Variants in APPL1 observed in about 807,000 individuals in gnomAD.
The protein encoded by APPL1 is adaptor protein, phosphotyrosine interacting with PH domain and leucine zipper 1, also known as DCC-interacting protein 13-alpha.
In APPL1, 42 loss-of-function variants were observed where a neutral mutation model predicts 106.8. The ratio of observed to expected loss-of-function variants is 0.39; its 90% confidence interval spans 0.31 to 0.51. The LOEUF (loss-of-function observed/expected upper bound fraction) is 0.51. APPL1 is among the 20% of genes least tolerant of loss of function. The pLI is 0.75. For missense variants in APPL1, 769 were observed against 858.2 expected (o/e 0.90, Z 1.30); for synonymous variants, 263 against 281.8 (o/e 0.93, Z 0.67).
chr3:57,255,259 G>A lies in APPL1; in HGVS notation c.1152+1521G>A, dbSNP rs545887483. Among the ~76,000 whole-genome samples the A allele has an allele frequency of 3.9e-5, 6 of 152,288 alleles. 1 individual carries two copies. The highest frequency in any genetic ancestry group is 6.8e-3 in the Middle Eastern group (2 of 294). On this transcript the variant is annotated intron_variant, in intron 13 of 21. Coordinates refer to ENST00000288266, the MANE Select transcript of APPL1 (RefSeq NM_012096.3). The stretch of plus-strand genomic sequence containing the variant: ...TGCCACTCTTAGTGGGCCTGTCTGT[G>A]CTATGGGAGTCCAGGCAACTCCTGG...
At position 57,259,932 on chromosome 3, in the gene APPL1, C is replaced by G. The variant is rs1244537519; in HGVS notation, c.1571C>G (p.Thr524Ser). ...SDDHPDVVYE[T>S]MRQILAARAI... Reference sequence around the variant, plus strand: ...GACCATCCAGATGTTGTTTATGAAACTATGCGCCAAATCTTAGCTGCCCGG... The same window carrying G: ...GACCATCCAGATGTTGTTTATGAAAGTATGCGCCAAATCTTAGCTGCCCGG... Residue 524 changes from threonine to serine, a missense_variant, in exon 17 of 22, where the codon ACT (threonine) becomes AGT (serine). Physicochemically the swap from Thr to Ser is moderately conservative, Grantham distance 58. Transcript: ENST00000288266. 1 of 1,613,776 alleles carries G rather than the reference C, an allele frequency of 6.2e-7. No homozygotes were observed. The highest frequency in any genetic ancestry group is 8.5e-7 in the Non-Finnish European group (1 of 1,179,966).
intron 19 of APPL1, among the ~76,000 whole-genome samples, chr3:57,262,229 T>C (rs75347555): frequency 0.022 from 3,394 of 152,156 alleles, 129 homozygotes; most frequent in African/African-American, 0.077. Flanking sequence ...TGTTATTTCT[T>C]TGGCTATGCA....
intron 6 of APPL1, 119 bp downstream of exon 6, chr3:57,242,261 T>TC: frequency 2.8e-6 from 2 of 726,696 alleles, no homozygotes; most frequent in African/African-American, 1.8e-5. Flanking sequence ...AAGTGAACAT[T>TC]ACTTAAATCA....
At position 57,259,199 on chromosome 3, in the gene APPL1, A is replaced by G. The variant is rs763499982; in HGVS notation, c.1483+119A>G. 32 of 766,628 alleles carry G rather than the reference A, an allele frequency of 4.2e-5. No individual in the cohort carries two copies. The Middle Eastern group carries it at 1.2e-3, about 29-fold the overall frequency. 47.5% of individuals were successfully genotyped at this position (766,628 alleles called of 1,614,324 possible). A position where few individuals can be genotyped will look rare whatever the true frequency, so the allele number is the denominator to read the frequency against. ...AGTTTTAATGCTATCTTTACTTCAG[A>G]ATTTCCTCTACTTACTTATAGTACA... On this transcript the variant is annotated intron_variant, in intron 16 of 21. Coordinates refer to ENST00000288266, the MANE Select transcript of APPL1 (RefSeq NM_012096.3).
intron 8 of APPL1, among the ~76,000 whole-genome samples, chr3:57,246,828 C>G (rs2060776379): frequency 6.6e-6 from 1 of 151,798 alleles, no homozygotes; most frequent in African/African-American, 2.4e-5. Flanking sequence ...CGTAGGGAGA[C>G]CCCATCTCTA....
intron 11 of APPL1, among the ~76,000 whole-genome samples, chr3:57,250,156 T>G (rs1004002384): frequency 6.6e-6 from 1 of 152,216 alleles, no homozygotes; most frequent in Non-Finnish European, 1.5e-5. Context: ...GTTACCTTTT[T>G]TTGAGGCGGG....
intron 19 of APPL1, among the ~76,000 whole-genome samples, chr3:57,262,912 G>A (rs372116680): frequency 1.1e-4 from 16 of 149,086 alleles, no homozygotes; most frequent in East Asian, 2.0e-4. Context: ...GTGCAATGGC[G>A]CGATCTTGGC....
chr3:57,272,670 G>A lies in APPL1; in HGVS notation c.*2983G>A, dbSNP rs904575541. The A allele has an allele frequency of 6.6e-5, 10 of 152,140 alleles. No individual in the cohort carries two copies. Among genetic ancestry groups the A allele is most frequent in the Non-Finnish European group, 1.0e-4 (7 of 68,086 alleles). The allele number at this position is 152,140 out of a possible 1,614,324, so 9.4% of individuals were successfully genotyped here. A position where few individuals can be genotyped will look rare whatever the true frequency, so the allele number is the denominator to read the frequency against. On this transcript the variant is annotated 3_prime_UTR_variant, in exon 22 of 22. Transcript: ENST00000288266. Reference sequence around the variant, plus strand: ...GCTGGAGTGCAGTGGTGTGATCTTGGGTCACTGCAAACTCCGCCTCCCAGG... The same window carrying A: ...GCTGGAGTGCAGTGGTGTGATCTTGAGTCACTGCAAACTCCGCCTCCCAGG...
At chr3:57,230,769 TA>T (rs1363695765) in intron 1 of APPL1, 1 of 458,066 alleles carries the variant, frequency 2.2e-6, no homozygotes, top group Non-Finnish European at 4.5e-6. Flanking sequence ...AAGCTCATGG[TA>T]AGTTTTTTGT....
At chr3:57,229,123 G>C (rs982779262) in intron 1 of APPL1, among the ~76,000 whole-genome samples, 6 of 152,158 alleles carry the variant, frequency 3.9e-5, no homozygotes, top group African/African-American at 1.4e-4. Context: ...GTGACAAAAA[G>C]AGAAACTCAC....
intron 21 of APPL1, 71 bp downstream of exon 21, chr3:57,268,558 A>C: frequency 1.4e-6 from 2 of 1,463,454 alleles, no homozygotes; most frequent in Non-Finnish European, 1.8e-6. Flanking sequence ...TGACTTTCAG[A>C]TTTGAATTTC....
chr3:57,236,399 G>A (rs61377740), intron 2 of APPL1, among the ~76,000 whole-genome samples: 2,493 of 149,514 alleles, frequency 0.017, 76 homozygotes, highest in African/African-American at 0.058. Flanking sequence ...TGCAATCTCA[G>A]CTCACTGCAC....
chr3:57,270,687 A>C lies in APPL1; in HGVS notation c.*1000A>C, dbSNP rs1022024050. The C allele has an allele frequency of 3.9e-5, 6 of 152,642 alleles. No individual in the cohort carries two copies. Among genetic ancestry groups the C allele is most frequent in the African/African-American group, 1.4e-4 (6 of 41,476 alleles). 9.5% of individuals were successfully genotyped at this position (152,642 alleles called of 1,614,324 possible). Reference sequence around the variant, plus strand: ...AGACTGATATATTCCCAGTATTTTCATAATGCCATGTTTTGATAAAGTACT... The same window carrying C: ...AGACTGATATATTCCCAGTATTTTCCTAATGCCATGTTTTGATAAAGTACT... On this transcript the variant is annotated 3_prime_UTR_variant, in exon 22 of 22. Coordinates refer to ENST00000288266, the MANE Select transcript of APPL1 (RefSeq NM_012096.3).
At chr3:57,233,004 A>C (rs1579378692) in intron 1 of APPL1, among the ~76,000 whole-genome samples, 1 of 152,276 alleles carries the variant, frequency 6.6e-6, no homozygotes, top group East Asian at 1.9e-4. Context: ...TCTGACTCAA[A>C]AAAAACCAAA....
At position 57,228,553 on chromosome 3, in the gene APPL1, C is replaced by G. The variant is rs1439080230; in HGVS notation, c.54+616C>G. Among the ~76,000 whole-genome samples, 1 of 152,226 alleles carries G rather than the reference C, an allele frequency of 6.6e-6. No individual in the cohort carries two copies. Reference sequence around the variant, plus strand: ...GGCGAGGGATGGACGGTGCCTTCGCCGCTCCGCGACTGCTGCGCTGCTCCC... The same window carrying G: ...GGCGAGGGATGGACGGTGCCTTCGCGGCTCCGCGACTGCTGCGCTGCTCCC... On this transcript the variant is annotated intron_variant, in intron 1 of 21. Transcript: ENST00000288266. The surrounding 1 kb of genome is among the most constrained non-coding windows in gnomAD (Gnocchi z 4.6).
Position 57,242,093 on chromosome 3 carries a change from T to A in APPL1, c.374-8T>A. 6.3e-7 allele frequency: 1 copy of A among 1,579,882 alleles called. No individual in the cohort carries two copies. Among genetic ancestry groups the A allele is most frequent in the Non-Finnish European group, 8.7e-7 (1 of 1,156,060 alleles). ...TGCCAAACTTAAATTATTCTTGAAC[T>A]TTTTCAGAAATACTAACATTAAAGG... On this transcript the variant is annotated splice_polypyrimidine_tract_variant and splice_region_variant and intron_variant, in intron 5 of 21. Transcript: ENST00000288266.
intron 1 of APPL1, among the ~76,000 whole-genome samples, chr3:57,233,479 A>G (rs1184258350): frequency 6.6e-6 from 1 of 151,048 alleles, no homozygotes; most frequent in Non-Finnish European, 1.5e-5. Context: ...GGAATTACCC[A>G]TTTTTAGAAA....
At chr3:57,259,769 G>T (rs2060855425) in intron 16 of APPL1, 76 bp from the exon 17 acceptor site, 1 of 1,235,464 alleles carries the variant, frequency 8.1e-7, no homozygotes, top group Non-Finnish European at 1.1e-6. Flanking sequence ...TTTTGGAAAA[G>T]AAATATGGCG....
At chr3:57,232,694 G>A (rs1330969989) in intron 1 of APPL1, among the ~76,000 whole-genome samples, 1 of 152,166 alleles carries the variant, frequency 6.6e-6, no homozygotes, top group Non-Finnish European at 1.5e-5. Flanking sequence ...GCATATTGAT[G>A]ACTCTCGAGT....
Sources: gnomAD v4.1 joint callset for allele counts (sites outside exome capture counted in the v4.1 genomes callset) on GRCh38, gnomAD v4.1.1 for gene constraint, Gnocchi (gnomAD v3.1) non-coding constraint, MANE v1.5 for transcripts, NCBI Gene and HGNC (gene_info 2026-07-23, HGNC 2026-07-21) for gene names.